The following CDKN2B-AS1 variants were observed in gnomAD, a reference collection of about 807,000 sequenced individuals.
The protein encoded by CDKN2B-AS1 is CDKN2B antisense RNA 1 (non-protein coding).
In CDKN2B-AS1 at chr9:21,999,030, AT is replaced by A. The variant is rs1211622814; in HGVS notation, n.29+3870del. Among the ~76,000 whole-genome samples the A allele has an allele frequency of 3.3e-5, 5 of 152,182 alleles. No homozygotes were observed. Among genetic ancestry groups the A allele is most frequent in the Non-Finnish European group, 7.4e-5 (5 of 68,018 alleles). On this transcript the variant is annotated intron_variant and non_coding_transcript_variant, in intron 1 of 4. Transcript: ENST00000650946. This position sits in a 1 kb window ranked among gnomAD's most constrained non-coding sequence, Gnocchi z 4.7. ...GTAGAATATGTGCAAATAGTAAAAA[AT>A]AAAAAGATAATCTTACTCATTAATA... is the stretch of plus-strand genomic sequence containing the variant.
intron 4 of CDKN2B-AS1, chr9:22,112,269 C>A (rs72654238): frequency 6.6e-6 from 1 of 152,402 alleles, no homozygotes; most frequent in South Asian, 2.1e-4. Flanking sequence ...CTCTCTCCAA[C>A]TCTTGCTCAG....
intron 3 of CDKN2B-AS1, among the ~76,000 whole-genome samples, chr9:22,055,528 C>T (rs1166323162): frequency 6.6e-6 from 1 of 152,150 alleles, no homozygotes; most frequent in Admixed American, 6.5e-5. Flanking sequence ...GTTTTGCCAG[C>T]ATTCTTCTGT....
intron 4 of CDKN2B-AS1, among the ~76,000 whole-genome samples, chr9:22,123,201 A>G (rs1442257147): frequency 6.6e-6 from 1 of 152,108 alleles, no homozygotes; most frequent in East Asian, 1.9e-4. Flanking sequence ...GTATATTGAT[A>G]TCGTATTCTG....
intron 4 of CDKN2B-AS1, among the ~76,000 whole-genome samples, chr9:22,114,109 A>ATG (rs984506886): frequency 1.3e-5 from 2 of 152,226 alleles, no homozygotes; most frequent in Non-Finnish European, 2.9e-5. Flanking sequence ...TTTGGAACTT[A>ATG]TGTAGCATCA....
At chr9:22,086,720 A>G (rs544568439) in intron 4 of CDKN2B-AS1, among the ~76,000 whole-genome samples, 1 of 152,224 alleles carries the variant, frequency 6.6e-6, no homozygotes, top group South Asian at 2.1e-4. Context: ...GCCAATCAAT[A>G]TTTTTTGAAC....
intron 4 of CDKN2B-AS1, among the ~76,000 whole-genome samples, chr9:22,082,490 A>C (rs1315682642): frequency 6.6e-6 from 1 of 152,178 alleles, no homozygotes; most frequent in African/African-American, 2.4e-5. Context: ...CAGACTTGGA[A>C]CTGAGTCCAT....
intron 1 of CDKN2B-AS1, chr9:22,004,705 TC>T (rs898191955): frequency 4.3e-6 from 1 of 232,784 alleles, no homozygotes; most frequent in Non-Finnish European, 8.5e-6. Flanking sequence ...CCACGAGCCA[TC>T]ATATATTTTC....
intron 1 of CDKN2B-AS1, chr9:22,009,040 TC>T: frequency 1.9e-6 from 3 of 1,578,254 alleles, no homozygotes; most frequent in Non-Finnish European, 2.6e-6. Context: ...CCCACGCTGC[TC>T]CGGCGCACTC....
chr9:22,115,030 T>G (rs1825909975), intron 4 of CDKN2B-AS1, among the ~76,000 whole-genome samples: 2 of 152,160 alleles, frequency 1.3e-5, no homozygotes, highest in East Asian at 1.9e-4. Context: ...TTGTAGTATT[T>G]GCAAGATGGC....
In CDKN2B-AS1 at chr9:21,997,460, G is replaced by T. The variant is rs924794956; in HGVS notation, n.29+2299G>T. Among the ~76,000 whole-genome samples, 3 of 150,618 alleles carry T rather than the reference G, an allele frequency of 2.0e-5. No homozygotes were observed. Among genetic ancestry groups the T allele is most frequent in the Non-Finnish European group, 3.0e-5 (2 of 67,536 alleles). On this transcript the variant is annotated intron_variant and non_coding_transcript_variant, in intron 1 of 4. Coordinates refer to ENST00000650946, the Ensembl canonical transcript of CDKN2B-AS1. This position sits in a 1 kb window ranked among gnomAD's most constrained non-coding sequence, Gnocchi z 4.8. ...TTATATGTCTACACACACATATGTG[G>T]GGGAGAGAAAGAGAGGGAGGGAGAG...
intron 4 of CDKN2B-AS1, among the ~76,000 whole-genome samples, chr9:22,123,895 C>T (rs1428634892): frequency 6.6e-6 from 1 of 152,184 alleles, no homozygotes; most frequent in East Asian, 1.9e-4. Context: ...TTATGTAGCT[C>T]TTGTTCTCTA....
At chr9:22,037,064 G>T (rs1020889816) in intron 1 of CDKN2B-AS1, among the ~76,000 whole-genome samples, 1 of 151,986 alleles carries the variant, frequency 6.6e-6, no homozygotes, top group African/African-American at 2.4e-5. Flanking sequence ...CTACGCTGAT[G>T]GCAAGGATCA....
intron 1 of CDKN2B-AS1, among the ~76,000 whole-genome samples, chr9:22,019,865 C>G (rs879403331): frequency 6.6e-6 from 1 of 151,908 alleles, no homozygotes; most frequent in Middle Eastern, 3.4e-3. Flanking sequence ...AATACCAAAC[C>G]CTTTAAAAAA....
chr9:22,011,375 T>G (rs1287928892), intron 1 of CDKN2B-AS1, among the ~76,000 whole-genome samples: 1 of 152,240 alleles, frequency 6.6e-6, no homozygotes, highest in Admixed American at 6.5e-5. Flanking sequence ...TATTGTGTAC[T>G]CTGTACGAAG....
At chr9:22,074,373 G>T (rs955401652) in intron 4 of CDKN2B-AS1, among the ~76,000 whole-genome samples, 7 of 152,134 alleles carry the variant, frequency 4.6e-5, no homozygotes, top group African/African-American at 1.7e-4. Context: ...TATTTTATCT[G>T]CAGGACTTGG....
intron 4 of CDKN2B-AS1, among the ~76,000 whole-genome samples, chr9:22,107,612 G>T (rs895448164): frequency 2.0e-5 from 3 of 152,084 alleles, no homozygotes; most frequent in Non-Finnish European, 4.4e-5. Context: ...CCACATCAGG[G>T]GCCTTGGAGC....
intron 4 of CDKN2B-AS1, among the ~76,000 whole-genome samples, chr9:22,081,032 C>T (rs1824674405): frequency 6.6e-6 from 1 of 152,190 alleles, no homozygotes; most frequent in African/African-American, 2.4e-5. Context: ...AACCCTTGTT[C>T]ATACTGCAGT....
At chr9:22,104,405 C>T (rs780268947) in intron 4 of CDKN2B-AS1, among the ~76,000 whole-genome samples, 11 of 152,284 alleles carry the variant, frequency 7.2e-5, no homozygotes, top group Middle Eastern at 6.8e-3. Flanking sequence ...AAACATTTCA[C>T]TTGCCCAAGT....
chr9:22,007,559 G>A (rs967079194), intron 1 of CDKN2B-AS1, among the ~76,000 whole-genome samples: 5 of 151,960 alleles, frequency 3.3e-5, no homozygotes, highest in African/African-American at 1.2e-4. Context: ...GTCTAAAATC[G>A]AGTTATTTGT....
Sources: gnomAD v4.1 joint callset for allele counts (sites outside exome capture counted in the v4.1 genomes callset) on GRCh38, gnomAD v4.1.1 for gene constraint, Gnocchi (gnomAD v3.1) non-coding constraint, MANE v1.5 for transcripts, NCBI Gene and HGNC (gene_info 2026-07-23, HGNC 2026-07-21) for gene names.